The following PDE4B variants were observed in gnomAD, a reference collection of about 807,000 sequenced individuals.
The protein encoded by PDE4B is 3',5'-cyclic-AMP phosphodiesterase 4B.
In PDE4B, 20 loss-of-function variants were observed where a neutral mutation model predicts 82.2. That is an observed-to-expected ratio of 0.24 (90% CI 0.17 to 0.35). The LOEUF (loss-of-function observed/expected upper bound fraction) is 0.35. Ranked by LOEUF, PDE4B falls within the 10% of genes least tolerant of loss-of-function variation. The pLI is 1.00. For synonymous variants in PDE4B, 320 were observed against 318.9 expected, an observed-to-expected ratio of 1.00 and a Z score of -0.04; for missense variants, 655 against 907.2, an observed-to-expected ratio of 0.72 and a Z score of 3.57.
intron 3 of PDE4B, among the ~76,000 whole-genome samples, chr1:66,058,761 C>T (rs917766319): frequency 9.2e-5 from 14 of 152,254 alleles, no homozygotes; most frequent in South Asian, 2.1e-4. Context: ...GGCCTGGGCC[C>T]GGGCCATGAA....
intron 3 of PDE4B, among the ~76,000 whole-genome samples, chr1:65,930,525 G>A (rs2100515296): frequency 6.6e-6 from 1 of 152,344 alleles, no homozygotes; most frequent in East Asian, 1.9e-4. Flanking sequence ...AGCTGCCCAA[G>A]GCCTTGGGAG....
At chr1:66,301,238 A>C (rs552700770) in intron 7 of PDE4B, among the ~76,000 whole-genome samples, 1 of 152,170 alleles carries the variant, frequency 6.6e-6, no homozygotes, top group South Asian at 2.1e-4. Flanking sequence ...CTCATTTCTC[A>C]TTATTTCAGA....
intron 7 of PDE4B, among the ~76,000 whole-genome samples, chr1:66,295,402 CTATTA>C (rs1454370628): frequency 3.3e-5 from 5 of 152,002 alleles, no homozygotes; most frequent in East Asian, 3.9e-4. Flanking sequence ...ATTTTCTATT[CTATTA>C]TATTTTATTC....
chr1:66,162,460 TGA>T (rs1646636863), intron 3 of PDE4B, among the ~76,000 whole-genome samples: 1 of 151,950 alleles, frequency 6.6e-6, no homozygotes, highest in African/African-American at 2.4e-5. Flanking sequence ...GTAAACTCTG[TGA>T]GAGAGTGCAT....
At chr1:65,965,357 C>G (rs904592194) in intron 3 of PDE4B, among the ~76,000 whole-genome samples, 5 of 152,062 alleles carry the variant, frequency 3.3e-5, no homozygotes, top group African/African-American at 1.2e-4. Context: ...GGATCCTATT[C>G]TCAAAGGGTT....
At chr1:66,315,607 C>T (rs1471195221) in intron 7 of PDE4B, among the ~76,000 whole-genome samples, 1 of 152,058 alleles carries the variant, frequency 6.6e-6, no homozygotes, top group Non-Finnish European at 1.5e-5. Flanking sequence ...AGGCACACGC[C>T]ACCACGCCGG....
intron 3 of PDE4B, among the ~76,000 whole-genome samples, chr1:66,117,877 A>T (rs1645628519): frequency 6.6e-6 from 1 of 152,292 alleles, no homozygotes; most frequent in East Asian, 1.9e-4. Flanking sequence ...AACCCTAAGG[A>T]ATCGCCACAC....
chr1:65,797,537 G>A (rs552770454), intron 1 of PDE4B, among the ~76,000 whole-genome samples: 7 of 152,278 alleles, frequency 4.6e-5, no homozygotes, highest in Non-Finnish European at 1.0e-4. Context: ...TAGTCTGCCT[G>A]GTTTGTCTGG....
chr1:66,339,039 AG>A, intron 8 of PDE4B, among the ~76,000 whole-genome samples: 1 of 148,434 alleles, frequency 6.7e-6, no homozygotes, highest in South Asian at 2.1e-4. Flanking sequence ...AAAAAAAAAG[AG>A]ATAAGTTATT....
intron 7 of PDE4B, among the ~76,000 whole-genome samples, chr1:66,316,795 A>G (rs1659058653): frequency 6.6e-6 from 1 of 152,240 alleles, no homozygotes; most frequent in Non-Finnish European, 1.5e-5. Flanking sequence ...GAAAAATCAG[A>G]ATTCAGTAAG....
At chr1:66,120,666 A>G (rs912327648) in intron 3 of PDE4B, among the ~76,000 whole-genome samples, 4 of 152,274 alleles carry the variant, frequency 2.6e-5, no homozygotes, top group African/African-American at 9.6e-5. Context: ...CACAATAACA[A>G]TGACTATTTC....
chr1:65,833,351 C>T (rs897222267), intron 1 of PDE4B, among the ~76,000 whole-genome samples: 4 of 152,216 alleles, frequency 2.6e-5, no homozygotes, highest in Non-Finnish European at 5.9e-5. Context: ...TTCCACTTCT[C>T]CCCTCACCAG....
At chr1:66,096,979 C>A (rs1645131866) in intron 3 of PDE4B, among the ~76,000 whole-genome samples, 1 of 151,838 alleles carries the variant, frequency 6.6e-6, no homozygotes, top group African/African-American at 2.4e-5. Flanking sequence ...CATGGATATT[C>A]CATAATTTAT....
intron 1 of PDE4B, among the ~76,000 whole-genome samples, chr1:65,799,510 T>C (rs1199829449): frequency 6.6e-6 from 1 of 152,130 alleles, no homozygotes; most frequent in Non-Finnish European, 1.5e-5. Flanking sequence ...GAACATATAG[T>C]CAAAAATTTG....
rs1440952893 is a variant in PDE4B at position 66,202,838 on chromosome 1, C to T, written c.282-44622C>T. 4.6e-5 allele frequency among the ~76,000 whole-genome samples: 7 copies of T among 151,906 alleles called. No homozygotes were observed. In the South Asian group the frequency reaches 6.2e-4, roughly 14 times the overall value. Reference sequence around the variant, plus strand: ...TGTGTCTTTTAACTGGAGCATTTAGCCCATTTACATTTAAAGTTAATATTG... The same window carrying T: ...TGTGTCTTTTAACTGGAGCATTTAGTCCATTTACATTTAAAGTTAATATTG... On this transcript the variant is annotated intron_variant, in intron 3 of 16. Transcript: ENST00000341517.
At chr1:66,230,830 G>A (rs1009451615) in intron 3 of PDE4B, among the ~76,000 whole-genome samples, 42 of 152,056 alleles carry the variant, frequency 2.8e-4, no homozygotes, top group African/African-American at 9.7e-4. Context: ...GGCAGATCAC[G>A]AGGTCAGGAG....
At chr1:66,273,327 C>T (rs908327221) in intron 7 of PDE4B, among the ~76,000 whole-genome samples, 1 of 152,192 alleles carries the variant, frequency 6.6e-6, no homozygotes, top group Non-Finnish European at 1.5e-5. Flanking sequence ...GCCTTTTCTC[C>T]AAAATATCAT....
chr1:65,887,247 T>TTTCTTTCTTTCCTTTC (rs1297971405), intron 1 of PDE4B, among the ~76,000 whole-genome samples: 3 of 37,728 alleles, frequency 8.0e-5, no homozygotes, highest in East Asian at 9.4e-4. Flanking sequence ...TCTTTCTTTC[T>TTTCTTTCTTTCCTTTC]TTTCTTTCTT....
chr1:65,871,614 ACTAC>A (rs1471553161), intron 1 of PDE4B, among the ~76,000 whole-genome samples: 1 of 152,206 alleles, frequency 6.6e-6, no homozygotes, highest in Non-Finnish European at 1.5e-5. Context: ...TTTCTAACTA[ACTAC>A]CAGCTATGAA....
Sources: gnomAD v4.1 joint callset for allele counts (sites outside exome capture counted in the v4.1 genomes callset) on GRCh38, gnomAD v4.1.1 for gene constraint, MANE v1.5 for transcripts, NCBI Gene and HGNC (gene_info 2026-07-23, HGNC 2026-07-21) for gene names.